KDM2B: variants seen among roughly 807,000 people sequenced by gnomAD.
KDM2B encodes the protein lysine-specific demethylase 2B.
Under a neutral mutation model 150.0 loss-of-function variants are expected in KDM2B, and 26 were observed. That is an observed-to-expected ratio of 0.17 (90% CI 0.13 to 0.24). The LOEUF (loss-of-function observed/expected upper bound fraction) is 0.24, where lower values mean the gene tolerates loss of function less well. Among genes scored for constraint, KDM2B ranks in the 10% least tolerant of loss-of-function variants. The probability of loss-of-function intolerance (pLI) is 1.00; values close to 1 mark genes in which losing one functional copy is unlikely to be tolerated. For missense variants in KDM2B, 1,265 were observed against 1,816.9 expected (o/e 0.70, Z 5.52); for synonymous variants, 734 against 729.5 (o/e 1.01, Z -0.10).
intron 12 of KDM2B, among the ~76,000 whole-genome samples, chr12:121,455,665 C>T (rs1428393752): frequency 6.6e-6 from 1 of 152,144 alleles, no homozygotes; most frequent in Non-Finnish European, 1.5e-5. Context: ...TGATCATCCA[C>T]TGTACTCCAG....
intron 11 of KDM2B, among the ~76,000 whole-genome samples, chr12:121,494,892 A>C (rs1185074036): frequency 6.6e-6 from 1 of 152,110 alleles, no homozygotes; most frequent in Non-Finnish European, 1.5e-5. Flanking sequence ...TCTTTAACAA[A>C]GCAAATCACA....
intron 6 of KDM2B, among the ~76,000 whole-genome samples, chr12:121,542,015 C>T (rs1888649487): frequency 6.6e-6 from 1 of 152,168 alleles, no homozygotes; most frequent in African/African-American, 2.4e-5. Context: ...AAATTCTCCT[C>T]CCCTTGAGTA....
At chr12:121,534,619 ACAAGT>A in intron 6 of KDM2B, 29 bp from the exon 7 acceptor site, 1 of 1,532,436 alleles carries the variant, frequency 6.5e-7, no homozygotes, top group Non-Finnish European at 9.0e-7. Context: ...GAGACAGAAC[ACAAGT>A]CAAGATCTAA....
intron 11 of KDM2B, among the ~76,000 whole-genome samples, chr12:121,509,020 C>T (rs191319543): frequency 1.8e-4 from 28 of 152,228 alleles, no homozygotes; most frequent in African/African-American, 6.7e-4. Context: ...GAAGAAAACT[C>T]GTCAGCCACA....
chr12:121,574,176 G>C (rs1891321288), intron 4 of KDM2B, among the ~76,000 whole-genome samples: 1 of 152,092 alleles, frequency 6.6e-6, no homozygotes, highest in Non-Finnish European at 1.5e-5. Flanking sequence ...GAAGCAGGAG[G>C]AACAGCCCCT....
At chr12:121,581,416 TTA>T (rs1555318058), upstream of KDM2B, among the ~76,000 whole-genome samples, 1 of 152,184 alleles carries the variant, frequency 6.6e-6, no homozygotes, top group African/African-American at 2.4e-5. Context: ...ATGGGTGTCA[TTA>T]GGTCCCTGTC....
chr12:121,486,333 CTTTTTTTTTTTTTT>C (rs71079073), intron 12 of KDM2B, among the ~76,000 whole-genome samples: 2 of 59,018 alleles, frequency 3.4e-5, no homozygotes, highest in Non-Finnish European at 2.9e-5. Flanking sequence ...TTTCGAACTC[CTTTTTTTTTTTTTT>C]TTTTTTTTTT....
intron 22 of KDM2B, among the ~76,000 whole-genome samples, chr12:121,435,039 A>AAG (rs1360869278): frequency 2.7e-5 from 4 of 149,132 alleles, no homozygotes; most frequent in South Asian, 2.1e-4. Flanking sequence ...AACAAAGGGA[A>AAG]AAAAAAAAAA....
At chr12:121,478,629 G>A (rs1881673009) in intron 12 of KDM2B, among the ~76,000 whole-genome samples, 1 of 152,044 alleles carries the variant, frequency 6.6e-6, no homozygotes, top group South Asian at 2.1e-4. Flanking sequence ...AAAGTGCTGG[G>A]ATTACAGGCG....
At chr12:121,547,681 G>A (rs1286897931) in intron 6 of KDM2B, among the ~76,000 whole-genome samples, 2 of 126,642 alleles carry the variant, frequency 1.6e-5, no homozygotes, top group Non-Finnish European at 3.1e-5. Context: ...ACAGAGTCTC[G>A]CTCTGTCGCC....
chr12:121,521,158 T>C lies in KDM2B; in HGVS notation c.932-58A>G. On this transcript the variant is annotated intron_variant, in intron 8 of 22. Transcript: ENST00000377071. The surrounding 1 kb of genome is among the most constrained non-coding windows in gnomAD (Gnocchi z 4.9). ...GCTGGCCCCTGTGGGCTCCCACACC[T>C]CACAAGGCTGCAGGGAGGGAGAGCG... 2 of 1,203,500 alleles carry C rather than the reference T, an allele frequency of 1.7e-6. No individual in the cohort carries two copies. Among genetic ancestry groups the C allele is most frequent in the Non-Finnish European group, 2.5e-6 (2 of 812,386 alleles). 74.6% of individuals were successfully genotyped at this position (1,203,500 alleles called of 1,614,324 possible).
In KDM2B at chr12:121,580,039, T is replaced by G. The variant is rs782557533; in HGVS notation, c.126+747A>C. ...ACACACCAATCTTCTTCCAGAGTCTTTCTCTGCCTCCATTTTTTTAGGAGA... is the reference window on the plus strand; with the variant it reads ...ACACACCAATCTTCTTCCAGAGTCTGTCTCTGCCTCCATTTTTTTAGGAGA... On this transcript the variant is annotated intron_variant, in intron 1 of 22. Coordinates refer to ENST00000377071, the MANE Select transcript of KDM2B (RefSeq NM_032590.5). 1.9e-6 allele frequency: 3 copies of G among 1,607,880 alleles called. No individual in the cohort carries two copies. In the East Asian group the frequency reaches 6.7e-5, roughly 36 times the overall value.
intron 14 of KDM2B, chr12:121,444,745 C>G (rs1290803576): frequency 3.4e-6 from 2 of 594,324 alleles, no homozygotes; most frequent in African/African-American, 3.7e-5. Context: ...GGCTGAGCCC[C>G]TTTGCTTCTC....
rs1566266157 is a variant in KDM2B, at chr12:121,443,082, T to C, written c.2566-52A>G. On this transcript the variant is annotated intron_variant, in intron 17 of 22. Coordinates refer to ENST00000377071, the MANE Select transcript of KDM2B (RefSeq NM_032590.5). ...GCTTGCTCCCCGGGCTCGTGGGATTTGGTCTCCTCGACACCCCACCCCACC... is the reference window on the plus strand; with the variant it reads ...GCTTGCTCCCCGGGCTCGTGGGATTCGGTCTCCTCGACACCCCACCCCACC... The C allele has an allele frequency of 1.9e-6, 3 of 1,568,474 alleles. No individual in the cohort carries two copies. In the South Asian group the frequency reaches 3.5e-5, roughly 18 times the overall value.
the KDM2B span, chr12:121,416,536 G>A: frequency 3.3e-6 from 2 of 600,362 alleles, no homozygotes; most frequent in East Asian, 2.8e-5. Flanking sequence ...TAATTGGAGG[G>A]ATTATATTAC....
rs1186966421 is a variant in KDM2B, at chr12:121,513,103, T to C, written c.1174+173A>G. Among the ~76,000 whole-genome samples, 1 of 152,240 alleles carries C rather than the reference T, an allele frequency of 6.6e-6. No homozygotes were observed. The highest frequency in any genetic ancestry group is 6.5e-5 in the Admixed American group (1 of 15,284). On this transcript the variant is annotated intron_variant, in intron 10 of 22. Transcript: ENST00000377071. This position sits in a 1 kb window ranked among gnomAD's most constrained non-coding sequence, Gnocchi z 5.0. ...GAATTCATTTTCTTGGACTCTGTAT[T>C]CCAGGTGGGAAACTGGCAAGAATGG...
intron 6 of KDM2B, among the ~76,000 whole-genome samples, chr12:121,545,917 TAC>T (rs1436429916): frequency 7.0e-6 from 1 of 143,866 alleles, no homozygotes; most frequent in Admixed American, 7.1e-5. Context: ...CCAAGTCGAC[TAC>T]ACACAGCCAG....
chr12:121,424,029 T>G, the KDM2B span: 1 of 154,648 alleles, frequency 6.5e-6, no homozygotes, highest in Non-Finnish European at 1.4e-5. Flanking sequence ...AATGTTCACT[T>G]TATTAGTCAT....
At position 121,549,765 on chromosome 12, in the gene KDM2B, C is replaced by G. The variant is rs1423004404; in HGVS notation, c.398-127G>C. On this transcript the variant is annotated intron_variant, in intron 4 of 22. Coordinates refer to ENST00000377071, the MANE Select transcript of KDM2B (RefSeq NM_032590.5). The surrounding 1 kb of genome is among the most constrained non-coding windows in gnomAD (Gnocchi z 4.4). ...CACAGTCCTCACCCCTCTTCCTCATCTGTTCAATTACCTCACCCCATCGGC... is the reference window on the plus strand; with the variant it reads ...CACAGTCCTCACCCCTCTTCCTCATGTGTTCAATTACCTCACCCCATCGGC... 2.5e-6 allele frequency: 2 copies of G among 791,366 alleles called. No individual in the cohort carries two copies. Among genetic ancestry groups the G allele is most frequent in the Admixed American group, 3.0e-5 (1 of 32,944 alleles). 49.0% of individuals were successfully genotyped at this position (791,366 alleles called of 1,614,324 possible).
Sources: allele counts gnomAD v4.1 joint callset (sites outside exome capture counted in the v4.1 genomes callset), GRCh38; gene constraint gnomAD v4.1.1; non-coding constraint Gnocchi (gnomAD v3.1); transcripts MANE v1.5; gene names NCBI Gene and HGNC (gene_info 2026-07-23, HGNC 2026-07-21).